SOX6: variants seen among roughly 807,000 people sequenced by gnomAD.
SOX6 encodes the protein transcription factor SOX-6.
Under a neutral mutation model 97.8 loss-of-function variants are expected in SOX6, and 11 were observed. The ratio of observed to expected loss-of-function variants is 0.11; its 90% CI spans 0.07 to 0.19. The LOEUF is 0.19. Ranked by LOEUF, SOX6 falls within the 10% of genes least tolerant of loss-of-function variation. SOX6 has a pLI of 1.00. For synonymous variants in SOX6, 360 were observed against 371.4 expected, an observed-to-expected ratio of 0.97 and a Z score of 0.35; for missense variants, 810 against 1,039.5, an observed-to-expected ratio of 0.78 and a Z score of 3.04.
At chr11:16,547,831 T>TA (rs1463478801) in intron 4 of SOX6, among the ~76,000 whole-genome samples, 1 of 152,146 alleles carries the variant, frequency 6.6e-6, no homozygotes, top group African/African-American at 2.4e-5. Context: ...ATGGATATCC[T>TA]AAACACCCTA....
intron 4 of SOX6, among the ~76,000 whole-genome samples, chr11:16,554,603 T>C (rs549601524): frequency 9.2e-5 from 14 of 152,186 alleles, no homozygotes; most frequent in African/African-American, 3.4e-4. Context: ...CTCCCAAAAA[T>C]TACTCAAAAC....
At chr11:16,644,283 G>A (rs1051658411) in intron 3 of SOX6, among the ~76,000 whole-genome samples, 8 of 152,128 alleles carry the variant, frequency 5.3e-5, no homozygotes, top group South Asian at 4.1e-4. Flanking sequence ...CAAGATATCC[G>A]CCTGCCTCAG....
At chr11:16,168,405 A>T (rs1850941773) in intron 6 of SOX6, among the ~76,000 whole-genome samples, 2 of 152,186 alleles carry the variant, frequency 1.3e-5, no homozygotes, top group African/African-American at 4.8e-5. Context: ...TAATTAATTC[A>T]TGTCATAAAT....
chr11:16,555,016 T>C (rs979118487), intron 4 of SOX6, among the ~76,000 whole-genome samples: 4 of 151,992 alleles, frequency 2.6e-5, no homozygotes, highest in African/African-American at 9.7e-5. Flanking sequence ...ATAAGGTCAT[T>C]GACTACTTAA....
chr11:16,737,978 T>C (rs1714992420), intron 1 of SOX6, among the ~76,000 whole-genome samples: 1 of 151,962 alleles, frequency 6.6e-6, no homozygotes, highest in Non-Finnish European at 1.5e-5. Flanking sequence ...ACTGTAACGG[T>C]GCCCAGACAT....
chr11:16,710,709 C>G (rs1848172787), intron 3 of SOX6, among the ~76,000 whole-genome samples: 1 of 152,166 alleles, frequency 6.6e-6, no homozygotes. Flanking sequence ...ATGACCTTAT[C>G]CATTCCCATG....
chr11:16,236,937 T>C (rs1159386725), intron 3 of SOX6, among the ~76,000 whole-genome samples: 2 of 152,026 alleles, frequency 1.3e-5, no homozygotes, highest in African/African-American at 4.8e-5. Flanking sequence ...TAATCCTTAC[T>C]GCAATGCTCA....
intron 13 of SOX6, among the ~76,000 whole-genome samples, chr11:15,994,908 ACTGGAGTGGATTCCATC>A (rs1305058811): frequency 2.0e-5 from 3 of 152,232 alleles, no homozygotes; most frequent in Non-Finnish European, 4.4e-5. Context: ...TTAAACAGAA[ACTGGAGTGGATTCCATC>A]CTAGAATGAA....
At chr11:16,424,816 T>C (rs933947561) in intron 1 of SOX6, among the ~76,000 whole-genome samples, 1 of 152,230 alleles carries the variant, frequency 6.6e-6, no homozygotes, top group African/African-American at 2.4e-5. Context: ...ACAAGCCATA[T>C]GGCTCTGGGG....
intron 9 of SOX6, among the ~76,000 whole-genome samples, chr11:16,092,999 G>A (rs1203394806): frequency 6.6e-6 from 1 of 151,742 alleles, no homozygotes; most frequent in Admixed American, 6.6e-5. Context: ...ACTTACTTAA[G>A]GACCAATGAT....
chr11:16,402,930 C>G (rs190515606), intron 1 of SOX6: 3 of 1,271,624 alleles, frequency 2.4e-6, no homozygotes, highest in Admixed American at 4.3e-5. Context: ...CCTTTCAAAA[C>G]AAAACCAATT....
At chr11:16,082,075 A>C (rs766173516) in intron 9 of SOX6, among the ~76,000 whole-genome samples, 7 of 152,180 alleles carry the variant, frequency 4.6e-5, no homozygotes, top group Non-Finnish European at 1.0e-4. Flanking sequence ...TGTCACCCTA[A>C]AAACACTGAA....
At chr11:16,369,969 G>A (rs1857458765) in intron 1 of SOX6, among the ~76,000 whole-genome samples, 1 of 152,094 alleles carries the variant, frequency 6.6e-6, no homozygotes, top group South Asian at 2.1e-4. Context: ...GTTTCCACCA[G>A]CAATGGCTTC....
chr11:16,573,781 T>C (rs368760650), intron 4 of SOX6, among the ~76,000 whole-genome samples: 4 of 152,340 alleles, frequency 2.6e-5, no homozygotes, highest in South Asian at 4.1e-4. Context: ...TAATTAATAT[T>C]TGACCAAATG....
intron 1 of SOX6, among the ~76,000 whole-genome samples, chr11:16,458,853 A>G (rs532193348): frequency 2.5e-4 from 38 of 152,190 alleles, no homozygotes; most frequent in Admixed American, 1.0e-3. Flanking sequence ...GAGAGAAACT[A>G]CTGACTGCAA....
rs550047801 is a variant in SOX6, at chr11:16,571,844, G to C, written n.609+40237C>G. Among the ~76,000 whole-genome samples, 17 of 152,242 alleles carry C rather than the reference G, an allele frequency of 1.1e-4. 1 individual carries two copies. Among genetic ancestry groups the C allele is most frequent in the East Asian group, 9.7e-4 (5 of 5,180 alleles). ...TTTTTTGTATTTTTACTAGAGACAGGGTTTCGCCATGTTGGCCAGGCTGGT... is the reference window on the plus strand; with the variant it reads ...TTTTTTGTATTTTTACTAGAGACAGCGTTTCGCCATGTTGGCCAGGCTGGT... On this transcript the variant is annotated intron_variant and non_coding_transcript_variant, in intron 4 of 5. Transcript: ENST00000524520.
chr11:16,466,930 C>CAA (rs764424447), intron 1 of SOX6, among the ~76,000 whole-genome samples: 1,080 of 41,208 alleles, frequency 0.026, 1 homozygote, highest in East Asian at 0.041. Context: ...GACTCCGTCT[C>CAA]AAAAAAAAAA....
intron 6 of SOX6, among the ~76,000 whole-genome samples, chr11:16,160,637 A>C (rs1850724157): frequency 6.6e-6 from 1 of 152,298 alleles, no homozygotes; most frequent in East Asian, 1.9e-4. Flanking sequence ...GTCAAAGAAC[A>C]CAGAAAATAC....
intron 1 of SOX6, among the ~76,000 whole-genome samples, chr11:16,381,568 T>C (rs1228912529): frequency 6.6e-6 from 1 of 152,010 alleles, no homozygotes; most frequent in Non-Finnish European, 1.5e-5. Flanking sequence ...TATATTTTCT[T>C]CCATCTCTAG....
Sources: allele counts gnomAD v4.1 joint callset (sites outside exome capture counted in the v4.1 genomes callset), GRCh38; gene constraint gnomAD v4.1.1; transcripts MANE v1.5; gene names NCBI Gene and HGNC (gene_info 2026-07-23, HGNC 2026-07-21).